Variants in ST3GAL3 observed in about 807,000 individuals in gnomAD.
ST3GAL3 encodes CMP-N-acetylneuraminate-beta-1,4-galactoside alpha-2,3-sialyltransferase.
Under a neutral mutation model 50.1 loss-of-function variants are expected in ST3GAL3, and 21 were observed. The observed-to-expected ratio is 0.42, with a 90% CI of 0.30 to 0.60. The LOEUF is 0.60. Among genes scored for constraint, ST3GAL3 ranks in the 20% least tolerant of loss-of-function variants. The pLI is 0.19. For synonymous variants in ST3GAL3, 183 were observed against 190.0 expected, an observed-to-expected ratio of 0.96 and a Z score of 0.30; for missense variants, 353 against 489.4, an observed-to-expected ratio of 0.72 and a Z score of 2.63.
At chr1:43,714,390 A>G (rs959510447) in intron 1 of ST3GAL3, among the ~76,000 whole-genome samples, 7 of 150,252 alleles carry the variant, frequency 4.7e-5, no homozygotes, top group African/African-American at 7.4e-5. Flanking sequence ...GAGTTCCAGA[A>G]CAGCCTGGGC....
intron 7 of ST3GAL3, 134 bp downstream of exon 7, chr1:43,898,432 A>C: frequency 1.1e-6 from 1 of 918,830 alleles, no homozygotes; most frequent in Non-Finnish European, 1.7e-6. Flanking sequence ...GTACACACAC[A>C]GGGTGGGTGG....
intron 3 of ST3GAL3, among the ~76,000 whole-genome samples, chr1:43,805,936 G>C (rs376250575): frequency 6.6e-6 from 1 of 152,064 alleles, no homozygotes; most frequent in African/African-American, 2.4e-5. Context: ...GGGTTTCACC[G>C]TGTTGGTCAG....
chr1:43,735,194 A>G (rs1026743075), intron 1 of ST3GAL3, among the ~76,000 whole-genome samples: 1 of 152,330 alleles, frequency 6.6e-6, no homozygotes, highest in Middle Eastern at 3.4e-3. Flanking sequence ...TATGTTAGGC[A>G]GAATGGCTCT....
intron 3 of ST3GAL3, among the ~76,000 whole-genome samples, chr1:43,802,646 T>G (rs1020652986): frequency 1.3e-5 from 2 of 152,238 alleles, no homozygotes; most frequent in Admixed American, 6.5e-5. Context: ...AGCAGCCTCT[T>G]GGGCAACACT....
chr1:43,879,757 G>A (rs980647949), intron 5 of ST3GAL3, among the ~76,000 whole-genome samples: 6 of 152,174 alleles, frequency 3.9e-5, no homozygotes, highest in African/African-American at 1.4e-4. Flanking sequence ...CTTGGCCCCT[G>A]CCTTCCTCAC....
intron 5 of ST3GAL3, among the ~76,000 whole-genome samples, chr1:43,855,704 G>A (rs1235481566): frequency 6.6e-6 from 1 of 151,546 alleles, no homozygotes; most frequent in Non-Finnish European, 1.5e-5. Context: ...AATTCTGAAG[G>A]ATTAAAATCT....
chr1:43,727,291 C>CT (rs527921545), intron 1 of ST3GAL3: 69 of 145,274 alleles, frequency 4.7e-4, no homozygotes, highest in African/African-American at 5.0e-4. Context: ...GACCTGCTTC[C>CT]TTTTTTTTTT....
chr1:43,721,386 C>T (rs879856983), intron 1 of ST3GAL3, among the ~76,000 whole-genome samples: 6 of 150,182 alleles, frequency 4.0e-5, no homozygotes, highest in Non-Finnish European at 4.4e-5. Context: ...CTTACTGCAA[C>T]CTCCACCTCC....
intron 2 of ST3GAL3, among the ~76,000 whole-genome samples, chr1:43,758,541 C>T (rs1041750277): frequency 3.9e-5 from 6 of 152,066 alleles, no homozygotes; most frequent in Non-Finnish European, 8.8e-5. Context: ...CATCAGCCAC[C>T]GCACCTAATC....
chr1:43,814,406 A>T (rs528910082), intron 3 of ST3GAL3, among the ~76,000 whole-genome samples: 2 of 152,330 alleles, frequency 1.3e-5, no homozygotes, highest in South Asian at 2.1e-4. Context: ...GCTATTCTTT[A>T]TGTAATCTGA....
intron 5 of ST3GAL3, among the ~76,000 whole-genome samples, chr1:43,863,759 G>A (rs2070629908): frequency 6.6e-6 from 1 of 152,150 alleles, no homozygotes; most frequent in Non-Finnish European, 1.5e-5. Context: ...GCGTGTGGGA[G>A]AAGCCTCCTC....
At chr1:43,767,460 C>T (rs1693517262) in intron 2 of ST3GAL3, among the ~76,000 whole-genome samples, 1 of 151,874 alleles carries the variant, frequency 6.6e-6, no homozygotes. Flanking sequence ...AAGGGGAAGC[C>T]ACAGACCATA....
At chr1:43,796,819 C>T (rs1195922703) in intron 3 of ST3GAL3, among the ~76,000 whole-genome samples, 1 of 152,140 alleles carries the variant, frequency 6.6e-6, no homozygotes, top group East Asian at 1.9e-4. Context: ...TTTTAAACAG[C>T]TATGATAAAA....
intron 2 of ST3GAL3, among the ~76,000 whole-genome samples, chr1:43,783,843 CT>C (rs1277886954): frequency 6.6e-6 from 1 of 152,198 alleles, no homozygotes; most frequent in Non-Finnish European, 1.5e-5. Flanking sequence ...TGTCCTGCCC[CT>C]GATCTGCACC....
chr1:43,711,174 G>GT (rs1311019127), intron 1 of ST3GAL3, among the ~76,000 whole-genome samples: 1 of 152,190 alleles, frequency 6.6e-6, no homozygotes, highest in Non-Finnish European at 1.5e-5. Context: ...CTTCAGTGGC[G>GT]TAACAGAACA....
rs971899093 is a variant in ST3GAL3 at position 43,763,497 on chromosome 1, A to G, written c.118+27117A>G. Among the ~76,000 whole-genome samples, 5 of 152,276 alleles carry G rather than the reference A, an allele frequency of 3.3e-5. No individual in the cohort carries two copies. The East Asian group carries it at 9.6e-4, about 29-fold the overall frequency. ...GCGGATCAAATTTTTAGGTTATTAAATAGGCTCCATTTCAAGCCAATCAGC... is the reference window on the plus strand; with the variant it reads ...GCGGATCAAATTTTTAGGTTATTAAGTAGGCTCCATTTCAAGCCAATCAGC... On this transcript the variant is annotated intron_variant, in intron 2 of 11. Transcript: ENST00000347631.
intron 3 of ST3GAL3, among the ~76,000 whole-genome samples, chr1:43,804,728 G>A (rs1051696621): frequency 2.0e-5 from 3 of 152,286 alleles, no homozygotes; most frequent in African/African-American, 2.4e-5. Flanking sequence ...GCTCGCTGTG[G>A]GCAGGTGACA....
intron 2 of ST3GAL3, among the ~76,000 whole-genome samples, chr1:43,748,044 C>G (rs1684539544): frequency 6.6e-6 from 1 of 152,070 alleles, no homozygotes; most frequent in African/African-American, 2.4e-5. Flanking sequence ...AGAGTCACCT[C>G]ATTAGAACAA....
intron 4 of ST3GAL3, among the ~76,000 whole-genome samples, chr1:43,817,470 CCTT>C (rs753188768): frequency 3.5e-5 from 5 of 143,312 alleles, no homozygotes; most frequent in Non-Finnish European, 7.6e-5. Context: ...TTCTTCTTCT[CCTT>C]CTCCTTGTTC....
Sources: gnomAD v4.1 joint callset for allele counts (sites outside exome capture counted in the v4.1 genomes callset) on GRCh38, gnomAD v4.1.1 for gene constraint, MANE v1.5 for transcripts, NCBI Gene and HGNC (gene_info 2026-07-23, HGNC 2026-07-21) for gene names.